GUCY1A2: variants seen among roughly 807,000 people sequenced by gnomAD.
GUCY1A2 encodes guanylate cyclase 1 soluble subunit alpha 2, also known as guanylate cyclase soluble subunit alpha-2.
A neutral mutation model predicts 63.5 loss-of-function variants in GUCY1A2; 27 were observed. The ratio of observed to expected loss-of-function variants is 0.43; its 90% CI spans 0.31 to 0.59. The LOEUF (loss-of-function observed/expected upper bound fraction) is 0.59, where lower values mean the gene tolerates loss of function less well. GUCY1A2 is among the 20% of genes least tolerant of loss of function. The pLI, the probability that GUCY1A2 is intolerant of heterozygous loss-of-function variation, is 0.11. For synonymous variants in GUCY1A2, 364 were observed against 343.5 expected (o/e 1.06, Z -0.66); for missense variants, 768 against 913.3 (o/e 0.84, Z 2.05).
At chr11:106,998,951 C>G (rs1460136276) in intron 1 of GUCY1A2, among the ~76,000 whole-genome samples, 1 of 152,162 alleles carries the variant, frequency 6.6e-6, no homozygotes, top group Non-Finnish European at 1.5e-5. Flanking sequence ...AAGGAGATCT[C>G]CAGATGGCTG....
intron 4 of GUCY1A2, among the ~76,000 whole-genome samples, chr11:106,861,961 G>GAA (rs1859518864): frequency 6.6e-6 from 1 of 151,934 alleles, no homozygotes; most frequent in South Asian, 2.1e-4. Context: ...AGTGTTAAGG[G>GAA]CAGTTTTGGT....
chr11:106,684,232 C>T lies in GUCY1A2; in HGVS notation c.*3317G>A, dbSNP rs573683346. The T allele has an allele frequency of 5.4e-6, 1 of 184,090 alleles. No individual in the cohort carries two copies. The highest frequency in any genetic ancestry group is 8.8e-5 in the East Asian group (1 of 11,374). The allele number at this position is 184,090 out of a possible 1,614,324, so 11.4% of individuals were successfully genotyped here. A position where few individuals can be genotyped will look rare whatever the true frequency, so the allele number is the denominator to read the frequency against. On this transcript the variant is annotated 3_prime_UTR_variant, in exon 8 of 8. Coordinates refer to ENST00000526355, the MANE Select transcript of GUCY1A2 (RefSeq NM_000855.3). ...AAGTCTCAGGCATCAATGTCTGTCT[C>T]AGAGTCCCAGATCAAAGCTCACTTG...
intron 4 of GUCY1A2, among the ~76,000 whole-genome samples, chr11:106,862,272 T>G (rs941373200): frequency 1.3e-5 from 2 of 151,998 alleles, no homozygotes; most frequent in Non-Finnish European, 2.9e-5. Context: ...TTCTCATTGG[T>G]AAAATGAAGA....
At chr11:106,777,906 C>CATATAATTGA (rs1286100982) in intron 5 of GUCY1A2, among the ~76,000 whole-genome samples, 1 of 152,132 alleles carries the variant, frequency 6.6e-6, no homozygotes, top group Non-Finnish European at 1.5e-5. Flanking sequence ...CATCCATAAC[C>CATATAATTGA]ATATAATTGA....
intron 6 of GUCY1A2, among the ~76,000 whole-genome samples, chr11:106,733,792 G>A (rs937263737): frequency 1.3e-5 from 2 of 152,100 alleles, no homozygotes; most frequent in African/African-American, 4.8e-5. Flanking sequence ...TGAGGAAGCA[G>A]GCCAGGAGAA....
At chr11:107,001,166 G>T (rs1404700801) in intron 1 of GUCY1A2, among the ~76,000 whole-genome samples, 1 of 152,166 alleles carries the variant, frequency 6.6e-6, no homozygotes, top group African/African-American at 2.4e-5. Context: ...TTTCATTCCT[G>T]AAATGTTTGA....
At chr11:106,757,145 T>C (rs1411016285) in intron 6 of GUCY1A2, among the ~76,000 whole-genome samples, 1 of 151,966 alleles carries the variant, frequency 6.6e-6, no homozygotes, top group Non-Finnish European at 1.5e-5. Context: ...GATTTGGCTA[T>C]TGAAGCTTGT....
intron 4 of GUCY1A2, among the ~76,000 whole-genome samples, chr11:106,850,864 G>A (rs993294373): frequency 1.3e-5 from 2 of 151,776 alleles, no homozygotes; most frequent in African/African-American, 4.8e-5. Flanking sequence ...ACTCAGTAGT[G>A]GGATTACTAA....
At chr11:106,690,667 T>G (rs934539433) in intron 7 of GUCY1A2, among the ~76,000 whole-genome samples, 1 of 152,178 alleles carries the variant, frequency 6.6e-6, no homozygotes, top group African/African-American at 2.4e-5. Flanking sequence ...GTATATACAT[T>G]TGTATGTAAC....
At chr11:106,946,769 A>G (rs1251060446) in intron 3 of GUCY1A2, among the ~76,000 whole-genome samples, 1 of 152,162 alleles carries the variant, frequency 6.6e-6, no homozygotes, top group Non-Finnish European at 1.5e-5. Context: ...AGTGATGAAA[A>G]TGTTCTAAAA....
intron 6 of GUCY1A2, among the ~76,000 whole-genome samples, chr11:106,745,878 G>A (rs1475098017): frequency 6.6e-6 from 1 of 152,146 alleles, no homozygotes. Context: ...GCAAATCTGT[G>A]CTATCTAATG....
intron 3 of GUCY1A2, among the ~76,000 whole-genome samples, chr11:106,943,425 T>C (rs73553867): frequency 4.1e-4 from 63 of 152,338 alleles, no homozygotes; most frequent in Middle Eastern, 3.4e-3. Flanking sequence ...TAAGTTAAGT[T>C]AGAATTTTTA....
chr11:106,724,443 C>T (rs1863369241), intron 6 of GUCY1A2, among the ~76,000 whole-genome samples: 1 of 152,182 alleles, frequency 6.6e-6, no homozygotes, highest in African/African-American at 2.4e-5. Context: ...CCTATCCTTC[C>T]CTCCGGCCCC....
intron 3 of GUCY1A2, among the ~76,000 whole-genome samples, chr11:106,961,863 G>T (rs1861062255): frequency 6.6e-6 from 1 of 152,154 alleles, no homozygotes; most frequent in Non-Finnish European, 1.5e-5. Context: ...TCAGCCTTGT[G>T]ACTATGGTAA....
chr11:106,976,438 T>C (rs893024656), intron 3 of GUCY1A2, among the ~76,000 whole-genome samples: 1 of 152,098 alleles, frequency 6.6e-6, no homozygotes, highest in Non-Finnish European at 1.5e-5. Context: ...TAAAAAAAGA[T>C]AAAAATCTAA....
rs188229946 is a variant in GUCY1A2 at position 106,780,849 on chromosome 11, T to C, written c.1693-4267A>G. Among the ~76,000 whole-genome samples the C allele has an allele frequency of 1.1e-3, 167 of 152,210 alleles. 2 individuals are homozygous for C. Among genetic ancestry groups the C allele is most frequent in the African/African-American group, 3.5e-3 (147 of 41,544 alleles). On this transcript the variant is annotated intron_variant, in intron 5 of 7. Coordinates refer to ENST00000526355, the MANE Select transcript of GUCY1A2 (RefSeq NM_000855.3). ...AGATATATTCGGCACCTTAAGAATATTGGCAGAAACACAACAGTCTTAATG... is the reference window on the plus strand; with the variant it reads ...AGATATATTCGGCACCTTAAGAATACTGGCAGAAACACAACAGTCTTAATG...
intron 5 of GUCY1A2, among the ~76,000 whole-genome samples, chr11:106,789,190 T>C (rs1864616781): frequency 6.6e-6 from 1 of 152,220 alleles, no homozygotes; most frequent in Non-Finnish European, 1.5e-5. Context: ...TTTAATTTTA[T>C]TCCTCTGACT....
chr11:106,711,632 A>G (rs1863120553), intron 6 of GUCY1A2, among the ~76,000 whole-genome samples: 1 of 152,108 alleles, frequency 6.6e-6, no homozygotes, highest in Admixed American at 6.6e-5. Context: ...TTATCATTTA[A>G]AGTGACCTTC....
chr11:106,719,932 G>A (rs575367753), intron 6 of GUCY1A2, among the ~76,000 whole-genome samples: 3 of 152,046 alleles, frequency 2.0e-5, no homozygotes, highest in South Asian at 2.1e-4. Flanking sequence ...AATCATTTTC[G>A]CCAGCATTCT....
Sources: allele counts gnomAD v4.1 joint callset (sites outside exome capture counted in the v4.1 genomes callset), GRCh38; gene constraint gnomAD v4.1.1; transcripts MANE v1.5; gene names NCBI Gene and HGNC (gene_info 2026-07-23, HGNC 2026-07-21).